Variants in SLC22A15 observed in about 807,000 individuals in gnomAD.
The protein encoded by SLC22A15 is flipt 1.
In SLC22A15, 45 loss-of-function variants were observed where a neutral mutation model predicts 62.7. That is an observed-to-expected ratio of 0.72 (90% CI 0.56 to 0.92). SLC22A15 has a LOEUF of 0.92. Ranked by LOEUF, SLC22A15 falls within the 40% of genes least tolerant of loss-of-function variation. SLC22A15 has a pLI of 0.00. For missense variants in SLC22A15, 622 were observed against 665.6 expected (o/e 0.93, Z 0.72); for synonymous variants, 264 against 267.0 (o/e 0.99, Z 0.11).
intron 8 of SLC22A15, among the ~76,000 whole-genome samples, chr1:116,061,305 A>G (rs140040559): frequency 1.2e-3 from 180 of 152,308 alleles, no homozygotes; most frequent in African/African-American, 4.1e-3. Context: ...GGTTGAAGGA[A>G]AGAGAGCATA....
intron 8 of SLC22A15, among the ~76,000 whole-genome samples, chr1:116,050,172 CA>C (rs1658014002): frequency 6.6e-6 from 1 of 151,814 alleles, no homozygotes; most frequent in Non-Finnish European, 1.5e-5. Context: ...AGACATTTAA[CA>C]AACTGATACC....
chr1:116,033,447 G>C (rs185283163), intron 6 of SLC22A15, among the ~76,000 whole-genome samples: 1 of 151,964 alleles, frequency 6.6e-6, no homozygotes, highest in African/African-American at 2.4e-5. Context: ...TGCTCTCCCC[G>C]TTCTCTCTCA....
At chr1:116,017,958 C>G (rs1016343849) in intron 2 of SLC22A15, among the ~76,000 whole-genome samples, 2 of 152,126 alleles carry the variant, frequency 1.3e-5, no homozygotes, top group Non-Finnish European at 2.9e-5. Flanking sequence ...CTTTAAGTTC[C>G]TAAGTTTCCC....
chr1:116,016,563 T>G (rs748411711), intron 2 of SLC22A15, among the ~76,000 whole-genome samples: 1 of 152,252 alleles, frequency 6.6e-6, no homozygotes, highest in Non-Finnish European at 1.5e-5. Flanking sequence ...ACCTCTCCCA[T>G]GAGCTTGACT....
chr1:115,976,795 C>G, intron 1 of SLC22A15, 81 bp downstream of exon 1: 1 of 1,098,952 alleles, frequency 9.1e-7, no homozygotes, highest in East Asian at 3.0e-5. Flanking sequence ...CCCAGACCGC[C>G]GGGGCCGGGG....
intron 8 of SLC22A15, among the ~76,000 whole-genome samples, chr1:116,054,180 C>T (rs1446448267): frequency 6.6e-6 from 1 of 152,116 alleles, no homozygotes; most frequent in African/African-American, 2.4e-5. Flanking sequence ...CAGAGACACA[C>T]ATAGGCTCAA....
chr1:115,985,077 G>A (rs2101062283), intron 1 of SLC22A15, among the ~76,000 whole-genome samples: 1 of 152,268 alleles, frequency 6.6e-6, no homozygotes, highest in South Asian at 2.1e-4. Flanking sequence ...AAAGTCTACT[G>A]TAGTGTCCTA....
intron 9 of SLC22A15, 32 bp downstream of exon 9, chr1:116,062,914 C>T (rs1363666284): frequency 1.2e-6 from 2 of 1,608,870 alleles, no homozygotes; most frequent in African/African-American, 2.7e-5. Flanking sequence ...ATTCTTCACA[C>T]ATTCTACACT....
intron 5 of SLC22A15, among the ~76,000 whole-genome samples, chr1:116,030,035 A>C (rs1657318089): frequency 6.6e-6 from 1 of 152,210 alleles, no homozygotes; most frequent in African/African-American, 2.4e-5. Flanking sequence ...TCAACAGAAC[A>C]ATGTTTTACT....
At chr1:115,988,607 G>T (rs116093424) in intron 1 of SLC22A15, among the ~76,000 whole-genome samples, 1 of 152,044 alleles carries the variant, frequency 6.6e-6, no homozygotes, top group African/African-American at 2.4e-5. Context: ...TGCAACCTCC[G>T]TCTCCTGGGT....
At chr1:116,010,532 C>T (rs1656198363) in intron 2 of SLC22A15, among the ~76,000 whole-genome samples, 3 of 152,166 alleles carry the variant, frequency 2.0e-5, no homozygotes, top group African/African-American at 7.2e-5. Context: ...GTTAGTTAAT[C>T]ACCATGAAAC....
intron 8 of SLC22A15, among the ~76,000 whole-genome samples, chr1:116,061,798 T>C (rs1658386343): frequency 6.6e-6 from 1 of 152,128 alleles, no homozygotes. Context: ...ACATAAAATA[T>C]ATTTTTTGCA....
intron 2 of SLC22A15, among the ~76,000 whole-genome samples, chr1:116,001,457 A>G (rs1266402215): frequency 1.3e-5 from 2 of 152,180 alleles, no homozygotes; most frequent in Non-Finnish European, 2.9e-5. Flanking sequence ...TCTTTAAGGG[A>G]AATAACTCTG....
chr1:116,011,356 T>C (rs1656244032), intron 2 of SLC22A15, among the ~76,000 whole-genome samples: 1 of 151,976 alleles, frequency 6.6e-6, no homozygotes, highest in South Asian at 2.1e-4. Context: ...CCCCTCAAAT[T>C]CTAAATCTGT....
At position 116,069,512 on chromosome 1, in the gene SLC22A15, A is replaced by G. The variant is rs1468261356; in HGVS notation, c.*2404A>G. 2 of 152,260 alleles carry G rather than the reference A, an allele frequency of 1.3e-5. No individual in the cohort carries two copies. The highest frequency in any genetic ancestry group is 3.9e-4 in the East Asian group (2 of 5,184). The allele number at this position is 152,260 out of a possible 1,614,324, so 9.4% of individuals were successfully genotyped here. On this transcript the variant is annotated 3_prime_UTR_variant, in exon 12 of 12. Transcript: ENST00000369503. Reference sequence around the variant, plus strand: ...TTTTTTCCTAAAATAAAGCAAGAAAAATAAATGTAAGATATATAAGAAACC... The same window carrying G: ...TTTTTTCCTAAAATAAAGCAAGAAAGATAAATGTAAGATATATAAGAAACC...
chr1:116,019,751 G>A (rs749161712), intron 3 of SLC22A15, 37 bp downstream of exon 3: 27 of 1,578,834 alleles, frequency 1.7e-5, no homozygotes, highest in Non-Finnish European at 2.3e-5. Flanking sequence ...GGATGAGAGG[G>A]CTTATTTCTC....
At chr1:116,022,764 G>A (rs1310888427) in intron 4 of SLC22A15, among the ~76,000 whole-genome samples, 1 of 152,110 alleles carries the variant, frequency 6.6e-6, no homozygotes, top group Non-Finnish European at 1.5e-5. Context: ...AAGTGAAAAG[G>A]GAGAGAGGAA....
intron 1 of SLC22A15, among the ~76,000 whole-genome samples, chr1:115,984,165 A>G (rs951946672): frequency 5.9e-5 from 9 of 152,242 alleles, no homozygotes; most frequent in African/African-American, 2.2e-4. Flanking sequence ...TACTCAGATG[A>G]CTGAAGTTAG....
chr1:116,037,940 G>A (rs1657677664), intron 8 of SLC22A15, among the ~76,000 whole-genome samples: 1 of 152,212 alleles, frequency 6.6e-6, no homozygotes. Context: ...TTATATATGT[G>A]TAGCTTTTCT....
Sources: gnomAD v4.1 joint callset for allele counts (sites outside exome capture counted in the v4.1 genomes callset) on GRCh38, gnomAD v4.1.1 for gene constraint, MANE v1.5 for transcripts, NCBI Gene and HGNC (gene_info 2026-07-23, HGNC 2026-07-21) for gene names.